Variants in SPIDR observed in about 807,000 individuals in gnomAD.
The protein encoded by SPIDR is DNA repair-scaffolding protein.
A neutral mutation model predicts 104.6 loss-of-function variants in SPIDR; 93 were observed. The observed-to-expected ratio is 0.89, with a 90% CI of 0.75 to 1.06. SPIDR has a LOEUF of 1.06. SPIDR is among the 50% of genes least tolerant of loss of function. The pLI, the probability that SPIDR is intolerant of heterozygous loss-of-function variation, is 0.00. For synonymous variants in SPIDR, 431 were observed against 416.9 expected (o/e 1.03, Z -0.41); for missense variants, 1,154 against 1,111.2 (o/e 1.04, Z -0.55).
At chr8:47,690,717 G>A (rs900980552) in intron 11 of SPIDR, among the ~76,000 whole-genome samples, 12 of 152,058 alleles carry the variant, frequency 7.9e-5, no homozygotes, top group African/African-American at 2.9e-4. Context: ...TGCTTTGGAC[G>A]CTGAGGCAGG....
chr8:47,485,598 C>T (rs982414521), intron 8 of SPIDR, among the ~76,000 whole-genome samples: 3 of 152,208 alleles, frequency 2.0e-5, no homozygotes, highest in East Asian at 1.9e-4. Context: ...TGGGAGGCAC[C>T]CCCCAGTAGG....
At chr8:47,424,740 A>AT (rs1477879070) in intron 7 of SPIDR, among the ~76,000 whole-genome samples, 2 of 152,188 alleles carry the variant, frequency 1.3e-5, no homozygotes, top group Non-Finnish European at 2.9e-5. Flanking sequence ...TCATGATGAA[A>AT]TTTTTTGGGG....
intron 11 of SPIDR, among the ~76,000 whole-genome samples, chr8:47,676,493 G>A (rs1589097960): frequency 1.3e-5 from 2 of 150,022 alleles, no homozygotes; most frequent in South Asian, 2.1e-4. Context: ...TCCATCCATG[G>A]CCCAGTAAAC....
In SPIDR at chr8:47,602,865, T is replaced by C. The variant is rs912320718; in HGVS notation, c.1544+3669T>C. Among the ~76,000 whole-genome samples the C allele has an allele frequency of 3.9e-5, 6 of 152,366 alleles. No homozygotes were observed. In the East Asian group the frequency reaches 1.2e-3, roughly 29 times the overall value. On this transcript the variant is annotated intron_variant, in intron 10 of 19. Transcript: ENST00000297423. ...AGAAATAGACTTTACATTTCAGAAATATAGTATGTTAGAGTCCCCTGTCCA... is the reference window on the plus strand; with the variant it reads ...AGAAATAGACTTTACATTTCAGAAACATAGTATGTTAGAGTCCCCTGTCCA...
intron 5 of SPIDR, among the ~76,000 whole-genome samples, chr8:47,381,677 G>A (rs782483617): frequency 2.0e-5 from 3 of 152,228 alleles, no homozygotes; most frequent in Non-Finnish European, 4.4e-5. Context: ...GCAGAAACCA[G>A]CGATTGGCAG....
chr8:47,452,792 A>G (rs552697712), intron 8 of SPIDR, among the ~76,000 whole-genome samples: 1 of 152,198 alleles, frequency 6.6e-6, no homozygotes, highest in Non-Finnish European at 1.5e-5. Context: ...TTCCCTTTGA[A>G]AACTGGCACA....
At chr8:47,591,096 C>G (rs987392181) in intron 8 of SPIDR, among the ~76,000 whole-genome samples, 1 of 151,878 alleles carries the variant, frequency 6.6e-6, no homozygotes, top group African/African-American at 2.4e-5. Flanking sequence ...CTCTGCCAAT[C>G]TCTGTCTTTT....
intron 11 of SPIDR, among the ~76,000 whole-genome samples, chr8:47,679,664 T>C (rs2076865464): frequency 6.6e-6 from 1 of 152,232 alleles, no homozygotes; most frequent in Non-Finnish European, 1.5e-5. Context: ...TGCCATGTGC[T>C]GCGCCACTGG....
chr8:47,556,592 C>A (rs2091352792), intron 8 of SPIDR, among the ~76,000 whole-genome samples: 1 of 152,122 alleles, frequency 6.6e-6, no homozygotes, highest in East Asian at 1.9e-4. Flanking sequence ...AGTTTATTTT[C>A]TTATTTTGTT....
chr8:47,717,338 A>G (rs2082724229), intron 16 of SPIDR, among the ~76,000 whole-genome samples: 2 of 152,190 alleles, frequency 1.3e-5, no homozygotes, highest in South Asian at 2.1e-4. Context: ...TCCCACAGTG[A>G]AGGTCTCAGC....
At chr8:47,264,851 C>G (rs2033548238) in intron 1 of SPIDR, among the ~76,000 whole-genome samples, 1 of 151,944 alleles carries the variant, frequency 6.6e-6, no homozygotes, top group Admixed American at 6.5e-5. Flanking sequence ...CGATGATATA[C>G]CGAGCATATA....
intron 8 of SPIDR, chr8:47,547,046 C>T: frequency 2.0e-6 from 1 of 509,000 alleles, no homozygotes; most frequent in African/African-American, 2.0e-5. Context: ...CTCCAGTCAC[C>T]ATCCACAGGT....
At chr8:47,567,538 T>C (rs1410052943) in intron 8 of SPIDR, among the ~76,000 whole-genome samples, 3 of 152,030 alleles carry the variant, frequency 2.0e-5, no homozygotes, top group Admixed American at 1.3e-4. Context: ...ACAATATTTC[T>C]GAAGAATGTG....
intron 8 of SPIDR, among the ~76,000 whole-genome samples, chr8:47,577,931 C>T (rs1362222664): frequency 6.6e-6 from 1 of 152,106 alleles, no homozygotes; most frequent in Non-Finnish European, 1.5e-5. Flanking sequence ...TAGAGTCACA[C>T]TGGGAGATAT....
At chr8:47,570,994 G>A (rs2058452935) in intron 8 of SPIDR, among the ~76,000 whole-genome samples, 1 of 152,064 alleles carries the variant, frequency 6.6e-6, no homozygotes. Context: ...GGGAAGCTGA[G>A]ACAGGAGAAT....
intron 1 of SPIDR, among the ~76,000 whole-genome samples, chr8:47,279,012 G>A (rs1318507501): frequency 2.6e-5 from 4 of 151,366 alleles, no homozygotes; most frequent in Admixed American, 1.3e-4. Flanking sequence ...TCAGCCTCCT[G>A]AGTAGCTGGA....
chr8:47,651,590 A>G (rs1337852228), intron 10 of SPIDR, among the ~76,000 whole-genome samples: 1 of 152,186 alleles, frequency 6.6e-6, no homozygotes, highest in Non-Finnish European at 1.5e-5. Flanking sequence ...CAACATTTCC[A>G]CTGCTGGGTA....
At chr8:47,362,649 G>C (rs1382342723) in intron 5 of SPIDR, among the ~76,000 whole-genome samples, 1 of 152,080 alleles carries the variant, frequency 6.6e-6, no homozygotes, top group African/African-American at 2.4e-5. Context: ...GTTTTTTGTT[G>C]GTTTGTTTTG....
chr8:47,534,729 G>A lies in SPIDR; in HGVS notation c.1098-61082G>A, dbSNP rs1487258655. Reference sequence around the variant, plus strand: ...AATAATACATACAAAAAACCCCCATGACCCATGTTTACCTATGTAACAAAC... The same window carrying A: ...AATAATACATACAAAAAACCCCCATAACCCATGTTTACCTATGTAACAAAC... On this transcript the variant is annotated intron_variant, in intron 8 of 19. Transcript: ENST00000297423. Among the ~76,000 whole-genome samples, 3 of 151,924 alleles carry A rather than the reference G, an allele frequency of 2.0e-5. No homozygotes were observed. In the East Asian group the frequency reaches 5.8e-4, roughly 29 times the overall value.
Sources: gnomAD v4.1 joint callset for allele counts (sites outside exome capture counted in the v4.1 genomes callset) on GRCh38, gnomAD v4.1.1 for gene constraint, MANE v1.5 for transcripts, NCBI Gene and HGNC (gene_info 2026-07-23, HGNC 2026-07-21) for gene names.